CEP120: variants seen among roughly 807,000 people sequenced by gnomAD.
The protein encoded by CEP120 is centrosomal protein 120, also known as centrosomal protein of 120 kDa.
In CEP120, 113 loss-of-function variants were observed where a neutral mutation model predicts 126.5. That is an observed-to-expected ratio of 0.89 (90% CI 0.77 to 1.04). CEP120 has a LOEUF of 1.04. Among genes scored for constraint, CEP120 ranks in the 50% least tolerant of loss-of-function variants. CEP120 has a pLI of 0.00. For missense variants in CEP120, 1,230 were observed against 1,155.7 expected (o/e 1.06, Z -0.93); for synonymous variants, 400 against 394.3 (o/e 1.01, Z -0.17).
Position 123,399,145 on chromosome 5 carries a change from C to A in CEP120, c.603G>T (p.Gln201His), listed in dbSNP as rs1045771057. 6.2e-7 allele frequency: 1 copy of A among 1,608,062 alleles called. No individual in the cohort carries two copies. The highest frequency in any genetic ancestry group is 2.2e-5 in the East Asian group (1 of 44,818). Residue 201 changes from glutamine to histidine, a missense_variant, in exon 5 of 20, where the codon CAG becomes CAT. Transcript: ENST00000306467. ...IMSVTIAFAT[Q>H]LEQLIPCTMK... The stretch of plus-strand genomic sequence containing the variant: ...TCATGAAAAGTCTCACCTGTTCCAA[C>A]TGGGTAGCAAATGCTATGGTCACTG...
intron 4 of CEP120, chr5:123,401,573 T>C: frequency 1.4e-6 from 2 of 1,383,012 alleles, no homozygotes; most frequent in Non-Finnish European, 1.0e-6. Context: ...GATGACGCTG[T>C]TCATGTCCAG....
intron 14 of CEP120, among the ~76,000 whole-genome samples, chr5:123,378,851 A>G (rs2127038631): frequency 6.6e-6 from 1 of 152,104 alleles, no homozygotes; most frequent in South Asian, 2.1e-4. Context: ...GTCTTGGTGT[A>G]TATAATGCCA....
intron 18 of CEP120, among the ~76,000 whole-genome samples, chr5:123,356,409 T>C (rs1424017513): frequency 2.0e-5 from 3 of 152,136 alleles, no homozygotes; most frequent in Admixed American, 6.6e-5. Context: ...ATACTGCCCA[T>C]CCTATGTTCT....
At chr5:123,353,161 C>T (rs376526014) in intron 18 of CEP120, among the ~76,000 whole-genome samples, 10 of 151,792 alleles carry the variant, frequency 6.6e-5, no homozygotes, top group African/African-American at 2.4e-5. Context: ...TGAAAAGAAA[C>T]GGTAATAGAG....
At chr5:123,371,128 ATC>A in intron 17 of CEP120, among the ~76,000 whole-genome samples, 1 of 152,200 alleles carries the variant, frequency 6.6e-6, no homozygotes. Flanking sequence ...CAGGTTCAGC[ATC>A]TCTCATCCAA....
chr5:123,420,827 T>C (rs977397854), intron 1 of CEP120, among the ~76,000 whole-genome samples: 5 of 152,232 alleles, frequency 3.3e-5, no homozygotes, highest in Non-Finnish European at 7.3e-5. Flanking sequence ...GTAGAATCTA[T>C]TATTATTCAG....
At chr5:123,409,539 T>C (rs1455412834) in intron 4 of CEP120, among the ~76,000 whole-genome samples, 2 of 152,162 alleles carry the variant, frequency 1.3e-5, no homozygotes, top group Admixed American at 6.5e-5. Flanking sequence ...CTTAGAGCCT[T>C]ACTAATGCAA....
intron 1 of CEP120, among the ~76,000 whole-genome samples, chr5:123,419,420 G>A (rs1004806895): frequency 4.0e-5 from 6 of 151,774 alleles, no homozygotes; most frequent in Non-Finnish European, 7.4e-5. Context: ...GGTGGCATGC[G>A]CCTGTAGTCC....
intron 1 of CEP120, among the ~76,000 whole-genome samples, 192 bp downstream of exon 1, chr5:123,422,758 G>C (rs1774801235): frequency 6.6e-6 from 1 of 152,176 alleles, no homozygotes. Flanking sequence ...ATCCCTAATA[G>C]CGCTCATATC....
chr5:123,408,384 GAA>G (rs969635749), intron 4 of CEP120, among the ~76,000 whole-genome samples: 1 of 126,730 alleles, frequency 7.9e-6, no homozygotes, highest in Admixed American at 7.9e-5. Context: ...GGCTCAATAA[GAA>G]AAAAAAAAAA....
intron 16 of CEP120, among the ~76,000 whole-genome samples, chr5:123,374,665 A>C (rs1466058968): frequency 7.9e-5 from 12 of 152,150 alleles, no homozygotes. Flanking sequence ...ATTAGGATTT[A>C]TCTAGCATGT....
chr5:123,407,689 T>C (rs1246486983), intron 4 of CEP120, among the ~76,000 whole-genome samples: 2 of 152,252 alleles, frequency 1.3e-5, no homozygotes, highest in East Asian at 3.9e-4. Context: ...ATCATTGACA[T>C]AACTGAACTC....
intron 16 of CEP120, among the ~76,000 whole-genome samples, chr5:123,373,841 C>G (rs1433425064): frequency 6.6e-6 from 1 of 152,042 alleles, no homozygotes; most frequent in African/African-American, 2.4e-5. Flanking sequence ...CAGCCCCCAG[C>G]AGCAGTGGTC....
intron 5 of CEP120, among the ~76,000 whole-genome samples, chr5:123,395,989 CTTTTT>C (rs67492630): frequency 7.7e-6 from 1 of 129,992 alleles, no homozygotes; most frequent in Admixed American, 7.8e-5. Context: ...GTCTCCATTC[CTTTTT>C]TTTTTTTTTT....
chr5:123,422,632 GC>G (rs1305246777), intron 1 of CEP120: 1 of 1,223,558 alleles, frequency 8.2e-7, no homozygotes, highest in African/African-American at 1.5e-5. Flanking sequence ...TGATCAGAAC[GC>G]GCTTCTCAGG....
At chr5:123,409,970 GCAA>G (rs1562088763) in intron 4 of CEP120, among the ~76,000 whole-genome samples, 1 of 10,818 alleles carries the variant, frequency 9.2e-5, no homozygotes, top group African/African-American at 3.7e-4. Flanking sequence ...AACAAAACAA[GCAA>G]AAAAAAAAAA....
intron 4 of CEP120, chr5:123,401,419 G>A (rs762334826): frequency 2.5e-5 from 35 of 1,403,596 alleles, no homozygotes; most frequent in Admixed American, 3.3e-5. Flanking sequence ...GGTTCATCTC[G>A]GAGATCTTAG....
Position 123,401,562 on chromosome 5 carries a change from C to T in CEP120, c.464-2278G>A, listed in dbSNP as rs189856022. On this transcript the variant is annotated intron_variant, in intron 4 of 19. Coordinates refer to ENST00000306467, the MANE Select transcript of CEP120 (RefSeq NM_001375405.1). Reference sequence around the variant, plus strand: ...TCCTCGTACTGTGCCTTGACCTCAGCGATGACGCTGTTCATGTCCAGGGAG... The same window carrying T: ...TCCTCGTACTGTGCCTTGACCTCAGTGATGACGCTGTTCATGTCCAGGGAG... The T allele has an allele frequency of 6.1e-3, 8,249 of 1,361,936 alleles. 48 individuals are homozygous for T. Among genetic ancestry groups the T allele is most frequent in the Middle Eastern group, 0.012 (67 of 5,418 alleles). The allele number at this position is 1,361,936 out of a possible 1,614,324, so 84.4% of individuals were successfully genotyped here.
chr5:123,409,196 T>C (rs1056895522), intron 4 of CEP120, among the ~76,000 whole-genome samples: 2 of 152,124 alleles, frequency 1.3e-5, no homozygotes, highest in Non-Finnish European at 2.9e-5. Flanking sequence ...ATCTTATCAA[T>C]AGATGCAGAA....
Sources: gnomAD v4.1 joint callset for allele counts (sites outside exome capture counted in the v4.1 genomes callset) on GRCh38, gnomAD v4.1.1 for gene constraint, MANE v1.5 for transcripts, NCBI Gene and HGNC (gene_info 2026-07-23, HGNC 2026-07-21) for gene names.